Variants in TRPV2 observed in about 807,000 individuals in gnomAD.
The protein encoded by TRPV2 is OTRPC2.
Under a neutral mutation model 91.0 loss-of-function variants are expected in TRPV2, and 58 were observed. The observed-to-expected ratio is 0.64, with a 90% CI of 0.52 to 0.79. The LOEUF (loss-of-function observed/expected upper bound fraction) is 0.79, where lower values mean the gene tolerates loss of function less well. TRPV2 is among the 30% of genes least tolerant of loss of function. TRPV2 has a pLI of 0.00. For synonymous variants in TRPV2, 417 were observed against 414.8 expected (o/e 1.01, Z -0.06); for missense variants, 807 against 969.6 (o/e 0.83, Z 2.23).
At position 16,417,637 on chromosome 17, in the gene TRPV2, C is replaced by T. The variant is rs778067792; in HGVS notation, c.-32C>T. On this transcript the variant is annotated 5_prime_UTR_variant, in exon 2 of 15. Transcript: ENST00000338560. ...TGACATCTCCATCTGCACAGAGGTC[C>T]TGGCTGGACCGAGCAGCCTCCTCCT... 1.7e-5 allele frequency: 27 copies of T among 1,611,928 alleles called. No individual in the cohort carries two copies. The highest frequency in any genetic ancestry group is 2.2e-5 in the Non-Finnish European group (26 of 1,178,556).
At position 16,422,854 on chromosome 17, in the gene TRPV2, T is replaced by C. The variant is rs1252147376; in HGVS notation, c.590T>C (p.Phe197Ser). 6.4e-7 allele frequency: 1 copy of C among 1,570,458 alleles called. No individual in the cohort carries two copies. The highest frequency in any genetic ancestry group is 8.7e-7 in the Non-Finnish European group (1 of 1,156,004). Reference protein sequence around the residue: ...ANVHARACGRFFQKGQGTCFY... With the variant: ...ANVHARACGRSFQKGQGTCFY... Reference sequence around the variant, plus strand: ...GTGCATGCCCGGGCCTGCGGCCGCTTCTTCCAGAAGGGCCAAGGGACTTGC... The same window carrying C: ...GTGCATGCCCGGGCCTGCGGCCGCTCCTTCCAGAAGGGCCAAGGGACTTGC... The change falls in exon 4 of 15, where the codon TTC becomes TCC. Residue 197 changes from phenylalanine (F) to serine (S), a missense_variant. Physicochemically the swap from Phe to Ser is radical, Grantham distance 155. Coordinates refer to ENST00000338560, the MANE Select transcript of TRPV2 (RefSeq NM_016113.5).
intron 5 of TRPV2, among the ~76,000 whole-genome samples, chr17:16,424,311 C>T (rs1404118094): frequency 6.6e-6 from 1 of 152,176 alleles, no homozygotes; most frequent in Non-Finnish European, 1.5e-5. Flanking sequence ...GCACCCACCA[C>T]CATGCCTGGC....
In TRPV2 at chr17:16,422,831, G is replaced by T. The variant is rs1433358457; in HGVS notation, c.567G>T (p.Val189=). The T allele has an allele frequency of 2.5e-6, 4 of 1,573,964 alleles. No homozygotes were observed. The highest frequency in any genetic ancestry group is 1.7e-4 in the Middle Eastern group (1 of 6,024). ...VKLLVENGAN[V]HARACGRFFQ... ...TCCTGGTGGAGAATGGGGCCAATGT[G>T]CATGCCCGGGCCTGCGGCCGCTTCT... Residue 189 remains valine, a synonymous_variant, in exon 4 of 15, where the codon GTG becomes GTT. Coordinates refer to ENST00000338560, the MANE Select transcript of TRPV2 (RefSeq NM_016113.5).
Position 16,426,636 on chromosome 17 carries a change from TG to T in TRPV2, c.1096-83del. On this transcript the variant is annotated intron_variant, in intron 6 of 14. Transcript: ENST00000338560. This position sits in a 1 kb window ranked among gnomAD's most constrained non-coding sequence, Gnocchi z 6.0. ...CTCCCTGTCCTCTCTCCTCATTTCC[TG>T]GGCCCTTGCTTTGATCTTGACATGG... 2 of 1,490,460 alleles carry T rather than the reference TG, an allele frequency of 1.3e-6. No homozygotes were observed. The highest frequency in any genetic ancestry group is 1.8e-6 in the Non-Finnish European group (2 of 1,103,650). The allele number at this position is 1,490,460 out of a possible 1,614,324, so 92.3% of individuals were successfully genotyped here. A position where few individuals can be genotyped will look rare whatever the true frequency, so the allele number is the denominator to read the frequency against.
Position 16,426,593 on chromosome 17 carries a change from C to A in TRPV2, c.1096-129C>A. On this transcript the variant is annotated intron_variant, in intron 6 of 14. Coordinates refer to ENST00000338560, the MANE Select transcript of TRPV2 (RefSeq NM_016113.5). The surrounding 1 kb of genome is among the most constrained non-coding windows in gnomAD (Gnocchi z 6.0). ...GTTGGCGTGAGGTCCTTTGGGGCTC[C>A]TGGGGTGTGGAAGCCTGCTCCCTGT... The A allele has an allele frequency of 1.8e-6, 2 of 1,136,698 alleles. No homozygotes were observed. The highest frequency in any genetic ancestry group is 5.5e-5 in the Admixed American group (2 of 36,654). 70.4% of individuals were successfully genotyped at this position (1,136,698 alleles called of 1,614,324 possible).
chr17:16,432,757 G>A (rs2093419165), intron 12 of TRPV2, among the ~76,000 whole-genome samples: 1 of 151,336 alleles, frequency 6.6e-6, no homozygotes, highest in African/African-American at 2.4e-5. Flanking sequence ...CCAAGCAGGT[G>A]CTCAATGTGC....
chr17:16,436,803 C>G lies in TRPV2; in HGVS notation c.2209C>G (p.Pro737Ala). ...GAGVPRTLEN[P>A]VLASPPKEDE... ...TCTGTTTACAGGAACTCTCGAGAAC[C>G]CTGTCCTGGCTTCCCCTCCCAAGGA... The change falls in exon 15 of 15, where the codon CCT becomes GCT. Residue 737 changes from proline to alanine, a missense_variant. Coordinates refer to ENST00000338560, the MANE Select transcript of TRPV2 (RefSeq NM_016113.5). 6.2e-7 allele frequency: 1 copy of G among 1,613,940 alleles called. No homozygotes were observed. Among genetic ancestry groups the G allele is most frequent in the Non-Finnish European group, 8.5e-7 (1 of 1,179,862 alleles).
chr17:16,428,502 G>A lies in TRPV2; in HGVS notation c.1421+115G>A, dbSNP rs181403231. The A allele has an allele frequency of 3.2e-4, 382 of 1,190,530 alleles. 1 individual carries two copies. Among genetic ancestry groups the A allele is most frequent in the Middle Eastern group, 1.7e-3 (9 of 5,196 alleles). The allele number at this position is 1,190,530 out of a possible 1,614,324, so 73.7% of individuals were successfully genotyped here. A position where few individuals can be genotyped will look rare whatever the true frequency, so the allele number is the denominator to read the frequency against. On this transcript the variant is annotated intron_variant, in intron 9 of 14. Coordinates refer to ENST00000338560, the MANE Select transcript of TRPV2 (RefSeq NM_016113.5). ...GCGAGGACACGGGGCCCAGGAAGTC[G>A]GGATCTGTGTACAGGCCAGTCCCAG...
chr17:16,417,693 G>T lies in TRPV2; in HGVS notation c.25G>T (p.Val9Phe). The change falls in exon 2 of 15, where the codon GTT becomes TTT. Residue 9 changes from valine (V) to phenylalanine (F), a missense_variant. Val to Phe is a conservative substitution (Grantham distance 50). Coordinates refer to ENST00000338560, the MANE Select transcript of TRPV2 (RefSeq NM_016113.5). ...GATGACCTCACCCTCCAGCTCTCCA[G>T]TTTTCAGGTTGGAGACATTAGATGG... MTSPSSSPVFRLETLDGGQ... is the reference protein window; with the variant it reads MTSPSSSPFFRLETLDGGQ... 6.2e-7 allele frequency: 1 copy of T among 1,614,208 alleles called. No individual in the cohort carries two copies. Among genetic ancestry groups the T allele is most frequent in the Non-Finnish European group, 8.5e-7 (1 of 1,180,038 alleles).
chr17:16,434,480 A>AAAG (rs2093427015), intron 13 of TRPV2, among the ~76,000 whole-genome samples: 1 of 151,724 alleles, frequency 6.6e-6, no homozygotes, highest in African/African-American at 2.4e-5. Flanking sequence ...AAAAAAAAAA[A>AAAG]AAAAGAAAAC....
At position 16,431,256 on chromosome 17, in the gene TRPV2, C is replaced by CATATATAT. The variant is rs60066961; in HGVS notation, c.1588-504_1588-497dup. Among the ~76,000 whole-genome samples the CATATATAT allele has an allele frequency of 2.9e-3, 197 of 67,798 alleles. 2 individuals are homozygous for CATATATAT. The highest frequency in any genetic ancestry group is 6.0e-3 in the East Asian group (14 of 2,328). The allele number at this position is 67,798 out of a possible 152,430, so 44.5% of individuals were successfully genotyped here. A position where few individuals can be genotyped will look rare whatever the true frequency, so the allele number is the denominator to read the frequency against. ...AGCAGGAAAACAATGTGATCTGAGA[C>CATATATAT]ATATATATATATATATATATATATA... On this transcript the variant is annotated intron_variant, in intron 10 of 14. Transcript: ENST00000338560.
rs558305090 is a variant in TRPV2, at chr17:16,419,798, A to G, written c.201-317A>G. Among the ~76,000 whole-genome samples, 326 of 152,312 alleles carry G rather than the reference A, an allele frequency of 2.1e-3. 1 individual carries two copies. Among genetic ancestry groups the G allele is most frequent in the South Asian group, 8.5e-3 (41 of 4,828 alleles). ...TGTGTGCTGAAGGGGACCCAGTGGG[A>G]TATCGAGGCTGTTGAGAGATGGTAC... On this transcript the variant is annotated intron_variant, in intron 2 of 14. Coordinates refer to ENST00000338560, the MANE Select transcript of TRPV2 (RefSeq NM_016113.5).
chr17:16,427,526 G>C lies in TRPV2; in HGVS notation c.1329G>C (p.Gly443=). Residue 443 remains glycine, a synonymous_variant, in exon 8 of 15, where the codon GGG becomes GGC. Coordinates refer to ENST00000338560, the MANE Select transcript of TRPV2 (RefSeq NM_016113.5). ...GCCACATCCTTATCCTGCTAGGGGGGATCTACCTCCTCGTGGGCCAGGTGA... is the reference window on the plus strand; with the variant it reads ...GCCACATCCTTATCCTGCTAGGGGGCATCTACCTCCTCGTGGGCCAGGTGA... ...LTGHILILLG[G]IYLLVGQLWY... 6.2e-7 allele frequency: 1 copy of C among 1,612,566 alleles called. No individual in the cohort carries two copies. The highest frequency in any genetic ancestry group is 8.5e-7 in the Non-Finnish European group (1 of 1,178,992).
chr17:16,417,910 C>G, intron 2 of TRPV2, 42 bp downstream of exon 2: 1 of 1,578,920 alleles, frequency 6.3e-7, no homozygotes, highest in Middle Eastern at 1.8e-4. Context: ...GGCCCCCTGC[C>G]CAGCTCCAGC....
At position 16,431,870 on chromosome 17, in the gene TRPV2, C is replaced by A. The variant is rs377338208; in HGVS notation, c.1654+20C>A. 6.2e-6 allele frequency: 10 copies of A among 1,613,890 alleles called. No homozygotes were observed. Among genetic ancestry groups the A allele is most frequent in the Non-Finnish European group, 7.6e-6 (9 of 1,179,938 alleles). On this transcript the variant is annotated intron_variant, in intron 11 of 14. Coordinates refer to ENST00000338560, the MANE Select transcript of TRPV2 (RefSeq NM_016113.5). ...CTGTAGGTAAAGGCTCCCTCCGGCC[C>A]CCTCCCCCTTCCCCACGTTCCTTGT...
At chr17:16,420,870 C>T (rs1487159778) in intron 3 of TRPV2, among the ~76,000 whole-genome samples, 2 of 152,200 alleles carry the variant, frequency 1.3e-5, no homozygotes, top group African/African-American at 2.4e-5. Context: ...TCCACCTTGG[C>T]CCCCCAGAGT....
intron 12 of TRPV2, among the ~76,000 whole-genome samples, 171 bp downstream of exon 12, chr17:16,432,471 T>C (rs2093417961): frequency 6.6e-6 from 1 of 150,452 alleles, no homozygotes; most frequent in Admixed American, 6.6e-5. Flanking sequence ...GACAAGGTCT[T>C]GCTCTGTCAC....
At chr17:16,419,307 C>A (rs749451727) in intron 2 of TRPV2, 7 of 470,766 alleles carry the variant, frequency 1.5e-5, no homozygotes, top group African/African-American at 1.4e-4. Context: ...TTCTGACAAG[C>A]TACCAGATCC....
intron 12 of TRPV2, 40 bp downstream of exon 12, chr17:16,432,340 A>C: frequency 4.6e-6 from 7 of 1,537,546 alleles, no homozygotes; most frequent in South Asian, 1.2e-5. Context: ...CCCACCCCAC[A>C]CTCAGGCGGT....
Sources: allele counts gnomAD v4.1 joint callset (sites outside exome capture counted in the v4.1 genomes callset), GRCh38; gene constraint gnomAD v4.1.1; non-coding constraint Gnocchi (gnomAD v3.1); transcripts MANE v1.5; gene names NCBI Gene and HGNC (gene_info 2026-07-23, HGNC 2026-07-21).